MTX2: variants seen among roughly 807,000 people sequenced by gnomAD.
MTX2 encodes the protein metaxin 2, also known as metaxin-2.
A neutral mutation model predicts 42.3 loss-of-function variants in MTX2; 35 were observed. The observed-to-expected ratio is 0.83, with a 90% CI of 0.63 to 1.10. The LOEUF is 1.10. Ranked by LOEUF, MTX2 falls within the 50% of genes least tolerant of loss-of-function variation. The pLI is 0.00. For missense variants in MTX2, 307 were observed against 304.1 expected (o/e 1.01, Z -0.07); for synonymous variants, 119 against 100.9 (o/e 1.18, Z -1.08).
intron 1 of MTX2, among the ~76,000 whole-genome samples, chr2:176,284,213 G>C (rs553439031): frequency 6.6e-6 from 1 of 151,842 alleles, no homozygotes; most frequent in South Asian, 2.1e-4. Context: ...CCAAGTAGCT[G>C]GGACTACAGG....
intron 3 of MTX2, among the ~76,000 whole-genome samples, chr2:176,309,688 T>G (rs1208239915): frequency 3.3e-5 from 5 of 152,078 alleles, no homozygotes; most frequent in African/African-American, 1.2e-4. Flanking sequence ...GTTTAAAGTC[T>G]GTTTTATCAG....
intron 3 of MTX2, among the ~76,000 whole-genome samples, chr2:176,305,791 C>T (rs1471173209): frequency 6.6e-6 from 1 of 152,022 alleles, no homozygotes; most frequent in East Asian, 1.9e-4. Context: ...GAAGGTCAGT[C>T]TATGAAGTGA....
intron 1 of MTX2, among the ~76,000 whole-genome samples, chr2:176,291,221 T>A (rs1325816984): frequency 6.6e-6 from 1 of 152,188 alleles, no homozygotes; most frequent in African/African-American, 2.4e-5. Flanking sequence ...TTTTGAGTTG[T>A]GTTGTTGGTT....
chr2:176,313,165 TTAATAA>T (rs1341213396), intron 3 of MTX2, among the ~76,000 whole-genome samples: 1 of 152,060 alleles, frequency 6.6e-6, no homozygotes, highest in Non-Finnish European at 1.5e-5. Flanking sequence ...GTTACTACTA[TTAATAA>T]TAATACCTAA....
At chr2:176,329,509 A>T (rs181750772) in intron 8 of MTX2, 83 bp downstream of exon 8, 268 of 1,286,834 alleles carry the variant, frequency 2.1e-4, no homozygotes, top group Admixed American at 7.9e-4. Context: ...CCTTTAAAAA[A>T]ATATATATAA....
intron 1 of MTX2, chr2:176,270,298 G>C (rs751411880): frequency 7.8e-7 from 1 of 1,287,328 alleles, no homozygotes; most frequent in Non-Finnish European, 1.0e-6. Flanking sequence ...AGCCTCCCGA[G>C]TAGTTGGGAT....
intron 1 of MTX2, among the ~76,000 whole-genome samples, chr2:176,277,574 GTATT>G (rs1227505416): frequency 6.6e-6 from 1 of 151,950 alleles, no homozygotes; most frequent in Non-Finnish European, 1.5e-5. Context: ...GGCTAATTTT[GTATT>G]TTTAGTAGAG....
chr2:176,283,555 T>C (rs1378396991), intron 1 of MTX2, among the ~76,000 whole-genome samples: 1 of 152,186 alleles, frequency 6.6e-6, no homozygotes, highest in East Asian at 1.9e-4. Flanking sequence ...ATTTGTTCTA[T>C]AACTAGCTGG....
intron 1 of MTX2, among the ~76,000 whole-genome samples, chr2:176,281,064 G>A (rs962725328): frequency 1.3e-5 from 2 of 152,172 alleles, no homozygotes; most frequent in African/African-American, 4.8e-5. Context: ...ACATCTTCTG[G>A]TGAGGACTGA....
intron 3 of MTX2, among the ~76,000 whole-genome samples, chr2:176,312,475 A>G (rs1219118997): frequency 6.6e-6 from 1 of 152,128 alleles, no homozygotes; most frequent in Non-Finnish European, 1.5e-5. Context: ...CTCTATATCA[A>G]TATTTAGATA....
chr2:176,291,273 A>G (rs1693322614), intron 1 of MTX2, among the ~76,000 whole-genome samples: 1 of 152,014 alleles, frequency 6.6e-6, no homozygotes, highest in Non-Finnish European at 1.5e-5. Flanking sequence ...TTTATTTTTT[A>G]TGTTTTGCCA....
chr2:176,323,569 A>G (rs1238807096), intron 4 of MTX2, 105 bp downstream of exon 4: 4 of 1,062,276 alleles, frequency 3.8e-6, no homozygotes, highest in Non-Finnish European at 5.5e-6. Context: ...TTTTTTGTTT[A>G]CCCTTTGAAG....
intron 3 of MTX2, among the ~76,000 whole-genome samples, chr2:176,320,825 G>A (rs1380647409): frequency 6.6e-6 from 1 of 151,642 alleles, no homozygotes; most frequent in Non-Finnish European, 1.5e-5. Context: ...CTCTTGAGTA[G>A]CTGAGACTAA....
At position 176,328,897 on chromosome 2, in the gene MTX2, A is replaced by C. The variant is rs1684785858; in HGVS notation, c.402A>C (p.Glu134Asp). ...AGCTGTATCTTCAGTGGTGTGATGA[A>C]GCTACAGTAGGGGAGGTGAGTGGTT... ...TAELYLQWCD[E>D]ATVGEITHAR... The change falls in exon 7 of 10, where the codon GAA becomes GAC. Residue 134 changes from glutamate (E) to aspartate (D), a missense_variant. Coordinates refer to ENST00000249442, the MANE Select transcript of MTX2 (RefSeq NM_006554.5). 1 of 1,607,160 alleles carries C rather than the reference A, an allele frequency of 6.2e-7. No individual in the cohort carries two copies. The highest frequency in any genetic ancestry group is 1.3e-5 in the African/African-American group (1 of 74,554).
At chr2:176,291,347 G>A (rs1693323960) in intron 1 of MTX2, among the ~76,000 whole-genome samples, 1 of 152,110 alleles carries the variant, frequency 6.6e-6, no homozygotes, top group South Asian at 2.1e-4. Context: ...TAACAACAAT[G>A]ATGATAGTGC....
chr2:176,323,469 G>A lies in MTX2; in HGVS notation c.208+5G>A, dbSNP rs1304099873. ...CAGAATATATGTCTCCATCTGGTAA[G>A]TGTGTTTTTTTTTCTTCTCTGTTAA... On this transcript the variant is annotated splice_donor_5th_base_variant and intron_variant, in intron 4 of 9. Transcript: ENST00000249442. 4.4e-6 allele frequency: 7 copies of A among 1,607,380 alleles called. No homozygotes were observed. Among genetic ancestry groups the A allele is most frequent in the Non-Finnish European group, 6.0e-6 (7 of 1,175,504 alleles).
intron 3 of MTX2, among the ~76,000 whole-genome samples, chr2:176,314,733 A>G (rs1012692507): frequency 6.6e-6 from 1 of 152,186 alleles, no homozygotes; most frequent in African/African-American, 2.4e-5. Context: ...ATTCAAGCTA[A>G]CAGTGGTTCC....
At chr2:176,324,172 T>G (rs1009577726) in intron 4 of MTX2, among the ~76,000 whole-genome samples, 1 of 151,586 alleles carries the variant, frequency 6.6e-6, no homozygotes, top group Non-Finnish European at 1.5e-5. Flanking sequence ...GAATTACTCC[T>G]TTTTGAATAA....
At chr2:176,323,264 G>A (rs914137993) in intron 3 of MTX2, 128 bp from the exon 4 acceptor site, 1 of 717,792 alleles carries the variant, frequency 1.4e-6, no homozygotes, top group Non-Finnish European at 2.3e-6. Flanking sequence ...ACTTTAAATT[G>A]GTTCATTGTT....
Sources: allele counts gnomAD v4.1 joint callset (sites outside exome capture counted in the v4.1 genomes callset), GRCh38; gene constraint gnomAD v4.1.1; transcripts MANE v1.5; gene names NCBI Gene and HGNC (gene_info 2026-07-23, HGNC 2026-07-21).